The following DLG2 variants were observed in gnomAD, a reference collection of about 807,000 sequenced individuals.
The protein encoded by DLG2 is disks large homolog 2.
Under a neutral mutation model 132.5 loss-of-function variants are expected in DLG2, and 45 were observed. That is an observed-to-expected ratio of 0.34 (90% CI 0.27 to 0.44). The LOEUF (loss-of-function observed/expected upper bound fraction) is 0.44. DLG2 is among the 20% of genes least tolerant of loss of function. The pLI is 1.00. For missense variants in DLG2, 1,045 were observed against 1,196.9 expected, an observed-to-expected ratio of 0.87 and a Z score of 1.87; for synonymous variants, 424 against 419.6, an observed-to-expected ratio of 1.01 and a Z score of -0.13.
intron 6 of DLG2, chr11:85,020,888 G>C: frequency 1.3e-6 from 1 of 766,932 alleles, no homozygotes; most frequent in Middle Eastern, 2.3e-4. Flanking sequence ...CCTCAGCAGA[G>C]TCATGTGCAT....
At position 85,111,504 on chromosome 11, in the gene DLG2, T is replaced by C. The variant is rs545842696; in HGVS notation, c.357+157A>G. Among the ~76,000 whole-genome samples, 4 of 152,272 alleles carry C rather than the reference T, an allele frequency of 2.6e-5. No homozygotes were observed. The East Asian group carries it at 7.7e-4, about 29-fold the overall frequency. On this transcript the variant is annotated intron_variant, in intron 6 of 27. Coordinates refer to ENST00000376104, the MANE Select transcript of DLG2 (RefSeq NM_001142699.3). ...AATCCCTAATCACTGATATTTTTTA[T>C]AATGCAAAGCTTTCTGAAAGATTAT...
At chr11:85,070,752 C>T (rs2065727888) in intron 6 of DLG2, among the ~76,000 whole-genome samples, 1 of 151,780 alleles carries the variant, frequency 6.6e-6, no homozygotes, top group Non-Finnish European at 1.5e-5. Flanking sequence ...GAATCCTCTC[C>T]CACCTTTTTC....
At chr11:85,379,095 T>C (rs1007005030) in intron 3 of DLG2, among the ~76,000 whole-genome samples, 1 of 152,206 alleles carries the variant, frequency 6.6e-6, no homozygotes, top group African/African-American at 2.4e-5. Context: ...CCAGTCATGC[T>C]TCATTCACCA....
intron 8 of DLG2, among the ~76,000 whole-genome samples, chr11:84,211,327 T>C (rs1167947356): frequency 2.6e-5 from 4 of 152,224 alleles, no homozygotes. Context: ...TATCCTATTA[T>C]ACTTGTAGTT....
chr11:84,950,080 C>T (rs1179316743), intron 6 of DLG2, among the ~76,000 whole-genome samples: 2 of 152,174 alleles, frequency 1.3e-5, no homozygotes, highest in Non-Finnish European at 2.9e-5. Flanking sequence ...CCTGACTTCC[C>T]ACAACAAATA....
intron 3 of DLG2, among the ~76,000 whole-genome samples, chr11:85,424,887 C>A (rs2090592301): frequency 6.6e-6 from 1 of 152,114 alleles, no homozygotes; most frequent in South Asian, 2.1e-4. Flanking sequence ...GACTTCGCAG[C>A]CTGCAGAATG....
chr11:85,365,887 A>T (rs1399866642), intron 3 of DLG2, among the ~76,000 whole-genome samples: 1 of 152,184 alleles, frequency 6.6e-6, no homozygotes, highest in East Asian at 1.9e-4. Flanking sequence ...GAACAATGAG[A>T]ACACGTGGAC....
chr11:85,544,632 T>A (rs1335132940), intron 3 of DLG2, among the ~76,000 whole-genome samples: 1 of 152,236 alleles, frequency 6.6e-6, no homozygotes, highest in Non-Finnish European at 1.5e-5. Flanking sequence ...GAGCATGGAA[T>A]GTTTTTCCAC....
rs1488563403 is a variant in DLG2 at position 83,633,265 on chromosome 11, A to T, written c.1886T>A (p.Met629Lys). 1 of 1,613,738 alleles carries T rather than the reference A, an allele frequency of 6.2e-7. No individual in the cohort carries two copies. Among genetic ancestry groups the T allele is most frequent in the Non-Finnish European group, 8.5e-7 (1 of 1,179,752 alleles). Residue 629 changes from methionine to lysine, a missense_variant, in exon 19 of 28, where the codon ATG becomes AAG. Met to Lys is a moderately conservative substitution (Grantham distance 95). Transcript: ENST00000376104. ...DLREQMMNHSMSSGSGSLRTN... is the reference protein window; with the variant it reads ...DLREQMMNHSKSSGSGSLRTN... ...TCGCAGGGATCCGGACCCGGAGCTC[A>T]TGCTGTGGTTCATCATCTGCTCTCG...
At chr11:85,227,251 A>T (rs1325155657) in intron 4 of DLG2, among the ~76,000 whole-genome samples, 2 of 152,180 alleles carry the variant, frequency 1.3e-5, no homozygotes. Flanking sequence ...TGCTTTAAAT[A>T]AAATTATTTA....
chr11:84,181,061 C>G (rs538541854), intron 8 of DLG2, among the ~76,000 whole-genome samples: 1 of 151,528 alleles, frequency 6.6e-6, no homozygotes, highest in African/African-American at 2.4e-5. Context: ...ACAGTTTGTT[C>G]AAAATAATAA....
intron 6 of DLG2, among the ~76,000 whole-genome samples, chr11:84,785,503 A>T (rs1237863190): frequency 1.3e-5 from 2 of 152,142 alleles, no homozygotes; most frequent in Non-Finnish European, 2.9e-5. Flanking sequence ...CTAGTAATTT[A>T]AAATGGTGAT....
At chr11:83,898,544 C>T (rs577559300) in intron 15 of DLG2, among the ~76,000 whole-genome samples, 2 of 151,960 alleles carry the variant, frequency 1.3e-5, no homozygotes, top group Non-Finnish European at 2.9e-5. Flanking sequence ...TGATCAAATA[C>T]ATTAAAGGAC....
intron 4 of DLG2, among the ~76,000 whole-genome samples, chr11:85,204,576 T>C (rs529993332): frequency 9.2e-5 from 14 of 152,140 alleles, no homozygotes; most frequent in African/African-American, 3.1e-4. Flanking sequence ...TGCTAATGAA[T>C]TGGAAGAATT....
chr11:83,965,506 T>G, intron 12 of DLG2, 38 bp from the exon 13 acceptor site: 1 of 1,528,210 alleles, frequency 6.5e-7, no homozygotes, highest in Non-Finnish European at 8.9e-7. Context: ...GAGTTAAATC[T>G]ATGGAGCAGA....
chr11:85,575,864 A>AT (rs1237064313), intron 3 of DLG2, among the ~76,000 whole-genome samples: 1 of 152,208 alleles, frequency 6.6e-6, no homozygotes, highest in Non-Finnish European at 1.5e-5. Flanking sequence ...TACAAATTTC[A>AT]TAAGAGCAGG....
chr11:84,714,844 A>G (rs2061027178), intron 6 of DLG2, among the ~76,000 whole-genome samples: 2 of 152,100 alleles, frequency 1.3e-5, no homozygotes, highest in African/African-American at 4.8e-5. Context: ...TAATAAAACC[A>G]AATTATTTTA....
chr11:83,871,784 T>A (rs1204642915), intron 16 of DLG2, among the ~76,000 whole-genome samples: 1 of 152,218 alleles, frequency 6.6e-6, no homozygotes, highest in African/African-American at 2.4e-5. Flanking sequence ...TCATTTTATA[T>A]CCAGAAGTGT....
At chr11:84,491,230 G>C (rs1212139681) in intron 7 of DLG2, among the ~76,000 whole-genome samples, 1 of 152,068 alleles carries the variant, frequency 6.6e-6, no homozygotes, top group Non-Finnish European at 1.5e-5. Context: ...GACCTGGTGG[G>C]AGATAAGTGA....
Sources: gnomAD v4.1 joint callset for allele counts (sites outside exome capture counted in the v4.1 genomes callset) on GRCh38, gnomAD v4.1.1 for gene constraint, MANE v1.5 for transcripts, NCBI Gene and HGNC (gene_info 2026-07-23, HGNC 2026-07-21) for gene names.